CABIN1: variants seen among roughly 807,000 people sequenced by gnomAD.
CABIN1 encodes the protein calcineurin binding protein 1, also known as calcineurin-binding protein cabin-1.
Under a neutral mutation model 227.7 loss-of-function variants are expected in CABIN1, and 133 were observed. The observed-to-expected ratio is 0.58, with a 90% CI of 0.51 to 0.67. CABIN1 has a LOEUF of 0.67. Among genes scored for constraint, CABIN1 ranks in the 30% least tolerant of loss-of-function variants. The pLI is 0.00. For synonymous variants in CABIN1, 1,086 were observed against 1,155.1 expected (o/e 0.94, Z 1.21); for missense variants, 2,408 against 2,852.5 (o/e 0.84, Z 3.55).
intron 16 of CABIN1, among the ~76,000 whole-genome samples, chr22:24,069,424 C>CTCA (rs1021214609): frequency 2.4e-4 from 36 of 152,246 alleles, no homozygotes; most frequent in African/African-American, 7.7e-4. Context: ...ATTTGGTCTC[C>CTCA]TCATTCATTG....
rs760130531 is a variant in CABIN1, at chr22:24,063,062, G to A, written c.1800G>A (p.Ser600=). 17 of 1,614,048 alleles carry A rather than the reference G, an allele frequency of 1.1e-5. No homozygotes were observed. The highest frequency in any genetic ancestry group is 2.7e-5 in the African/African-American group (2 of 74,904). ...LGDLLQLSFA[S]SQRDLFEDGW... is the part of the protein sequence containing the mutation. ...ACCTCCTACAGCTGTCATTTGCCTCGTCCCAGCGCGACCTGTTCGAGGATG... is the reference window on the plus strand; with the variant it reads ...ACCTCCTACAGCTGTCATTTGCCTCATCCCAGCGCGACCTGTTCGAGGATG... Residue 600 remains serine (S), a synonymous_variant, in exon 14 of 37, where the codon TCG becomes TCA. Transcript: ENST00000263119.
intron 23 of CABIN1, among the ~76,000 whole-genome samples, chr22:24,089,515 G>A (rs1326869094): frequency 6.6e-6 from 1 of 152,192 alleles, no homozygotes; most frequent in Non-Finnish European, 1.5e-5. Flanking sequence ...CAGATGTCCC[G>A]ACAGGGAGGG....
intron 19 of CABIN1, among the ~76,000 whole-genome samples, chr22:24,080,685 A>G (rs1275675395): frequency 6.6e-6 from 1 of 151,734 alleles, no homozygotes; most frequent in Non-Finnish European, 1.5e-5. Flanking sequence ...CCTAGGTTTC[A>G]TTTGTTTTTA....
chr22:24,138,609 C>G (rs984768930), intron 29 of CABIN1, among the ~76,000 whole-genome samples: 2 of 152,212 alleles, frequency 1.3e-5, no homozygotes, highest in Admixed American at 6.5e-5. Flanking sequence ...CAGAGAAACA[C>G]ATTTCCCAGT....
chr22:24,028,572 T>A (rs1303177176), intron 1 of CABIN1, among the ~76,000 whole-genome samples: 1 of 152,216 alleles, frequency 6.6e-6, no homozygotes, highest in Admixed American at 6.6e-5. Flanking sequence ...CCAGTCGTTT[T>A]TTTCCAGCCC....
At chr22:24,106,257 T>C (rs1186318687) in intron 26 of CABIN1, among the ~76,000 whole-genome samples, 1 of 152,244 alleles carries the variant, frequency 6.6e-6, no homozygotes, top group Non-Finnish European at 1.5e-5. Context: ...AAGCCTTCCC[T>C]GTGCACACTG....
At chr22:24,084,344 T>G (rs1159878092) in intron 20 of CABIN1, among the ~76,000 whole-genome samples, 2 of 151,874 alleles carry the variant, frequency 1.3e-5, no homozygotes, top group African/African-American at 4.8e-5. Context: ...GTTCAAGAGA[T>G]TCTCCTGCCG....
In CABIN1 at chr22:24,022,670, T is replaced by C. The variant is rs539410611; in HGVS notation, c.-75+11303T>C. Among the ~76,000 whole-genome samples, 3 of 152,328 alleles carry C rather than the reference T, an allele frequency of 2.0e-5. No homozygotes were observed. The South Asian group carries it at 6.2e-4, about 32-fold the overall frequency. On this transcript the variant is annotated intron_variant, in intron 1 of 36. Coordinates refer to ENST00000263119, the MANE Select transcript of CABIN1 (RefSeq NM_012295.4). The stretch of plus-strand genomic sequence containing the variant: ...TTGAGTTTTATAAGAAACTGTTTTC[T>C]AGCATGGTTGAACCATTTTCCATTC...
intron 26 of CABIN1, 115 bp downstream of exon 26, chr22:24,098,307 G>A: frequency 1.3e-6 from 2 of 1,580,978 alleles, no homozygotes; most frequent in Non-Finnish European, 1.7e-6. Flanking sequence ...TGGGTCTGGG[G>A]TGACACGGGC....
chr22:24,018,602 T>C (rs1389669046), intron 1 of CABIN1, among the ~76,000 whole-genome samples: 2 of 152,248 alleles, frequency 1.3e-5, no homozygotes, highest in Non-Finnish European at 2.9e-5. Flanking sequence ...TTTATTTCCA[T>C]ATGTACTTGA....
At chr22:24,094,803 G>T (rs71318949) in intron 24 of CABIN1, among the ~76,000 whole-genome samples, 1 of 129,000 alleles carries the variant, frequency 7.8e-6, no homozygotes, top group Admixed American at 9.3e-5. Context: ...CGGCCTGGGC[G>T]ACAGAGCGAG....
chr22:24,178,083 A>C lies in CABIN1; in HGVS notation c.6550A>C (p.Asn2184His). 1 of 1,613,770 alleles carries C rather than the reference A, an allele frequency of 6.2e-7. No homozygotes were observed. Among genetic ancestry groups the C allele is most frequent in the South Asian group, 1.1e-5 (1 of 91,084 alleles). ...SAILSAQSAA[N>H]VRKESLCQPA... ...CATCCTTTCTGCCCAGTCTGCTGCC[A>C]ACGTGAGGAAGGAGAGCCTATGCCA... Residue 2184 changes from asparagine to histidine, a missense_variant, in exon 37 of 37, where the codon AAC becomes CAC. Transcript: ENST00000263119.
At chr22:24,156,117 G>T in intron 29 of CABIN1, 1 of 404,918 alleles carries the variant, frequency 2.5e-6, no homozygotes, top group Non-Finnish European at 4.4e-6. Context: ...CTGGGGCCGG[G>T]ACTGGGGCCG....
intron 29 of CABIN1, among the ~76,000 whole-genome samples, chr22:24,134,650 T>C (rs2044280995): frequency 6.6e-6 from 1 of 152,128 alleles, no homozygotes; most frequent in Admixed American, 6.5e-5. Context: ...ATGGATGAGC[T>C]TGGTATGTTC....
intron 29 of CABIN1, among the ~76,000 whole-genome samples, chr22:24,149,080 C>G (rs1045892922): frequency 6.6e-6 from 1 of 152,226 alleles, no homozygotes; most frequent in African/African-American, 2.4e-5. Context: ...AAAAGCAGAG[C>G]TTGGTGCCTG....
chr22:24,029,506 G>T (rs1316605542), intron 1 of CABIN1, among the ~76,000 whole-genome samples: 1 of 152,072 alleles, frequency 6.6e-6, no homozygotes, highest in Non-Finnish European at 1.5e-5. Context: ...GAGCTGAGGT[G>T]AGATTGTGCC....
At position 24,155,863 on chromosome 22, in the gene CABIN1, C is replaced by T. The variant is rs142493830; in HGVS notation, c.4747-8537C>T. ...ACTTTGCCCGGCAGCGGTCCACAGC[C>T]CGCCACCAGCGGCCAGTCCAGGGAA... On this transcript the variant is annotated intron_variant, in intron 29 of 36. Coordinates refer to ENST00000263119, the MANE Select transcript of CABIN1 (RefSeq NM_012295.4). The T allele has an allele frequency of 2.5e-3, 1,091 of 434,134 alleles. 14 individuals are homozygous for T. The highest frequency in any genetic ancestry group is 0.021 in the African/African-American group (1,019 of 48,162). 26.9% of individuals were successfully genotyped at this position (434,134 alleles called of 1,614,324 possible).
intron 28 of CABIN1, among the ~76,000 whole-genome samples, chr22:24,128,371 T>C (rs2043866855): frequency 2.0e-5 from 3 of 152,196 alleles, no homozygotes; most frequent in Non-Finnish European, 2.9e-5. Context: ...GACATTCTAA[T>C]TATAATTTTT....
At chr22:24,172,599 G>A (rs1249959102) in intron 34 of CABIN1, among the ~76,000 whole-genome samples, 2 of 152,218 alleles carry the variant, frequency 1.3e-5, no homozygotes, top group African/African-American at 2.4e-5. Context: ...ACAAAGGTGC[G>A]GGCAGTAGAG....
Sources: gnomAD v4.1 joint callset for allele counts (sites outside exome capture counted in the v4.1 genomes callset) on GRCh38, gnomAD v4.1.1 for gene constraint, MANE v1.5 for transcripts, NCBI Gene and HGNC (gene_info 2026-07-23, HGNC 2026-07-21) for gene names.